The following TAFA2 variants were observed in gnomAD, a reference collection of about 807,000 sequenced individuals.
TAFA2 encodes TAFA chemokine like family member 2.
In TAFA2, 7 loss-of-function variants were observed where a neutral mutation model predicts 18.8. That is an observed-to-expected ratio of 0.37 (90% confidence interval 0.21 to 0.70). The LOEUF (loss-of-function observed/expected upper bound fraction) is 0.70. TAFA2 is among the 30% of genes least tolerant of loss of function. TAFA2 has a pLI of 0.53. For missense variants in TAFA2, 122 were observed against 158.1 expected (o/e 0.77, Z 1.23); for synonymous variants, 60 against 54.2 (o/e 1.11, Z -0.47).
At chr12:62,071,264 G>C (rs1232280272) in intron 1 of TAFA2, among the ~76,000 whole-genome samples, 1 of 152,190 alleles carries the variant, frequency 6.6e-6, no homozygotes, top group Non-Finnish European at 1.5e-5. Flanking sequence ...TGCTAAGAAG[G>C]AACAGCTCTC....
intron 1 of TAFA2, among the ~76,000 whole-genome samples, chr12:61,983,887 C>T (rs1879726408): frequency 6.6e-6 from 1 of 152,134 alleles, no homozygotes; most frequent in Non-Finnish European, 1.5e-5. Flanking sequence ...TCTGTGACTA[C>T]ACCAAGCATC....
intron 2 of TAFA2, among the ~76,000 whole-genome samples, chr12:61,818,105 T>C (rs776462782): frequency 9.9e-5 from 15 of 152,156 alleles, no homozygotes; most frequent in Non-Finnish European, 1.9e-4. Flanking sequence ...TCTCCCTCTA[T>C]TGGGACTTTC....
At chr12:61,881,352 A>G (rs1875131034) in intron 1 of TAFA2, among the ~76,000 whole-genome samples, 1 of 152,176 alleles carries the variant, frequency 6.6e-6, no homozygotes, top group Non-Finnish European at 1.5e-5. Flanking sequence ...CTACACACCT[A>G]GGCTATTTAG....
intron 1 of TAFA2, among the ~76,000 whole-genome samples, chr12:62,105,605 T>C (rs1350595860): frequency 6.6e-6 from 1 of 152,166 alleles, no homozygotes; most frequent in Non-Finnish European, 1.5e-5. Flanking sequence ...CTTACCAAAA[T>C]TTCAAATCAG....
At chr12:61,855,578 AATAAT>A (rs1329215227) in intron 2 of TAFA2, among the ~76,000 whole-genome samples, 1 of 152,166 alleles carries the variant, frequency 6.6e-6, no homozygotes, top group African/African-American at 2.4e-5. Context: ...TATTTCATCT[AATAAT>A]ATATTATCAT....
intron 2 of TAFA2, among the ~76,000 whole-genome samples, chr12:61,804,347 C>A (rs1055402375): frequency 2.0e-5 from 3 of 151,904 alleles, no homozygotes; most frequent in Admixed American, 2.0e-4. Context: ...CAAGAACTTG[C>A]CATAAATGAA....
intron 2 of TAFA2, among the ~76,000 whole-genome samples, chr12:61,802,282 A>T (rs974409986): frequency 1.7e-4 from 26 of 152,194 alleles, no homozygotes; most frequent in Admixed American, 8.5e-4. Flanking sequence ...AAAGAAAATC[A>T]GTATATCAAA....
intron 1 of TAFA2, chr12:61,879,647 G>T (rs570073001): frequency 2.9e-5 from 27 of 935,946 alleles, no homozygotes; most frequent in Admixed American, 5.1e-5. Flanking sequence ...CATCGACAAG[G>T]TACGGTTCCT....
chr12:62,147,758 A>G (rs976967309), intron 1 of TAFA2, among the ~76,000 whole-genome samples: 4 of 149,242 alleles, frequency 2.7e-5, no homozygotes, highest in African/African-American at 9.8e-5. Context: ...AAAAGAAACC[A>G]TTAACAGAAT....
At chr12:61,988,008 G>C (rs1879873798) in intron 1 of TAFA2, among the ~76,000 whole-genome samples, 1 of 152,138 alleles carries the variant, frequency 6.6e-6, no homozygotes, top group African/African-American at 2.4e-5. Flanking sequence ...CTCTTCCACA[G>C]AAGACAAATA....
At position 62,140,785 on chromosome 12, in the gene TAFA2, G is replaced by A. The variant is rs144696272; in HGVS notation, c.-2+50474C>T. Among the ~76,000 whole-genome samples, 8 of 152,250 alleles carry A rather than the reference G, an allele frequency of 5.3e-5. No homozygotes were observed. In the East Asian group the frequency reaches 1.5e-3, roughly 29 times the overall value. ...AGGGCTGCCAGGACCATCAGAAGTA[G>A]GTTTTATGTCCTATAGGAACAGGGA... On this transcript the variant is annotated intron_variant, in intron 1 of 4. Transcript: ENST00000416284.
rs146674451 is a variant in TAFA2 at position 62,122,438 on chromosome 12, A to C, written c.-2+68821T>G. 1.9e-3 allele frequency among the ~76,000 whole-genome samples: 284 copies of C among 152,334 alleles called. 1 individual carries two copies. Among genetic ancestry groups the C allele is most frequent in the Middle Eastern group, 3.4e-3 (1 of 294 alleles). On this transcript the variant is annotated intron_variant, in intron 1 of 4. Transcript: ENST00000416284. Reference sequence around the variant, plus strand: ...AACACATCAGCTCTTTGAGGATAACAGCTAACACTCAGGCTCTAGGTGCTC... The same window carrying C: ...AACACATCAGCTCTTTGAGGATAACCGCTAACACTCAGGCTCTAGGTGCTC...
intron 2 of TAFA2, among the ~76,000 whole-genome samples, chr12:61,864,140 C>T (rs1009610085): frequency 1.2e-4 from 18 of 152,190 alleles, no homozygotes; most frequent in Admixed American, 3.3e-4. Context: ...TCATGTCATA[C>T]GCAAATTGCC....
intron 1 of TAFA2, among the ~76,000 whole-genome samples, chr12:62,224,710 G>A (rs2062778757): frequency 6.6e-6 from 1 of 152,076 alleles, no homozygotes; most frequent in African/African-American, 2.4e-5. Context: ...GGGAGGGATG[G>A]GGAGTTATTG....
At chr12:61,975,642 A>C (rs1287637460) in intron 1 of TAFA2, among the ~76,000 whole-genome samples, 2 of 148,788 alleles carry the variant, frequency 1.3e-5, no homozygotes, top group Non-Finnish European at 3.0e-5. Context: ...CTTCTAAATT[A>C]TCCCCACAGC....
intron 2 of TAFA2, among the ~76,000 whole-genome samples, chr12:61,824,696 T>C (rs1011076158): frequency 3.9e-5 from 6 of 152,208 alleles, no homozygotes; most frequent in African/African-American, 1.4e-4. Context: ...CCAATACTTA[T>C]AGTAAGAAGT....
At chr12:62,043,449 T>A (rs147960457) in intron 1 of TAFA2, among the ~76,000 whole-genome samples, 7,702 of 139,614 alleles carry the variant, frequency 0.055, 285 homozygotes, top group South Asian at 0.14. Context: ...AACATCACAC[T>A]CCGGGGACTG....
At chr12:62,054,071 C>G (rs1592307756) in intron 1 of TAFA2, among the ~76,000 whole-genome samples, 1 of 152,170 alleles carries the variant, frequency 6.6e-6, no homozygotes, top group Admixed American at 6.6e-5. Flanking sequence ...CACACTAGAG[C>G]TCAACTCAGC....
At chr12:62,067,288 T>C (rs879324164) in intron 1 of TAFA2, among the ~76,000 whole-genome samples, 4 of 151,576 alleles carry the variant, frequency 2.6e-5, no homozygotes, top group Non-Finnish European at 5.9e-5. Flanking sequence ...GTTGATTGTT[T>C]CCTTTGCTGT....
Sources: gnomAD v4.1 joint callset for allele counts (sites outside exome capture counted in the v4.1 genomes callset) on GRCh38, gnomAD v4.1.1 for gene constraint, MANE v1.5 for transcripts, NCBI Gene and HGNC (gene_info 2026-07-23, HGNC 2026-07-21) for gene names.